WDHD1: variants seen among roughly 807,000 people sequenced by gnomAD.
WDHD1 encodes the protein WD repeat and HMG-box DNA-binding protein 1.
WDHD1 carries 111 observed loss-of-function variants against 135.4 expected under a neutral mutation model. The observed-to-expected ratio is 0.82, with a 90% confidence interval of 0.70 to 0.96. The LOEUF (loss-of-function observed/expected upper bound fraction) is 0.96, where lower values mean the gene tolerates loss of function less well. Among genes scored for constraint, WDHD1 ranks in the 40% least tolerant of loss-of-function variants. WDHD1 has a pLI of 0.00. For synonymous variants in WDHD1, 434 were observed against 439.0 expected (o/e 0.99, Z 0.14); for missense variants, 1,351 against 1,336.3 (o/e 1.01, Z -0.17).
chr14:54,941,786 T>C lies in WDHD1; in HGVS notation c.3190-96A>G, dbSNP rs1379965492. 7 of 1,109,006 alleles carry C rather than the reference T, an allele frequency of 6.3e-6. No individual in the cohort carries two copies. The African/African-American group carries it at 8.0e-5, about 13-fold the overall frequency. The allele number at this position is 1,109,006 out of a possible 1,614,324, so 68.7% of individuals were successfully genotyped here. ...TACTTTTCCAGGTAATATTTTTATA[T>C]ATAAAGCAGAATAATTAGCACTTGA... is the stretch of plus-strand genomic sequence containing the variant. On this transcript the variant is annotated intron_variant, in intron 25 of 25. Transcript: ENST00000360586.
intron 23 of WDHD1, among the ~76,000 whole-genome samples, chr14:54,956,514 T>C (rs1396908137): frequency 6.6e-6 from 1 of 152,082 alleles, no homozygotes; most frequent in Non-Finnish European, 1.5e-5. Flanking sequence ...GTCAGGCCTC[T>C]GTAATCCCAA....
chr14:54,954,248 T>A (rs776350326), intron 24 of WDHD1, among the ~76,000 whole-genome samples: 9 of 152,046 alleles, frequency 5.9e-5, no homozygotes, highest in Non-Finnish European at 1.0e-4. Context: ...ATCGTGCCAA[T>A]GCACTCCAGC....
chr14:54,960,192 G>A (rs1039331501), intron 21 of WDHD1, among the ~76,000 whole-genome samples: 2 of 152,082 alleles, frequency 1.3e-5, no homozygotes, highest in Admixed American at 6.6e-5. Context: ...ATTTGAGATG[G>A]AGTCTCGCTC....
At chr14:55,012,067 C>T (rs948733442) in intron 3 of WDHD1, among the ~76,000 whole-genome samples, 5 of 152,026 alleles carry the variant, frequency 3.3e-5, no homozygotes, top group Admixed American at 6.5e-5. Flanking sequence ...TCAAAGCCCT[C>T]ACTATTACTG....
At position 55,006,095 on chromosome 14, in the gene WDHD1, C is replaced by T. The variant is rs549101631; in HGVS notation, c.600+1185G>A. 1.2e-4 allele frequency among the ~76,000 whole-genome samples: 18 copies of T among 152,204 alleles called. No individual in the cohort carries two copies. The East Asian group carries it at 3.3e-3, about 28-fold the overall frequency. On this transcript the variant is annotated intron_variant, in intron 7 of 25. Transcript: ENST00000360586. ...CCCAGGCTGGTGTCAAACTCCTGAGCTCAAGCGGTCCTCCTGCCTCAGCCT... is the reference window on the plus strand; with the variant it reads ...CCCAGGCTGGTGTCAAACTCCTGAGTTCAAGCGGTCCTCCTGCCTCAGCCT...
At chr14:55,016,003 T>C (rs748824420) in intron 2 of WDHD1, among the ~76,000 whole-genome samples, 1 of 152,238 alleles carries the variant, frequency 6.6e-6, no homozygotes, top group Admixed American at 6.5e-5. Context: ...CCAGCCCCGA[T>C]GGGCTTCTTG....
At chr14:54,958,127 C>T (rs1475243011) in intron 21 of WDHD1, among the ~76,000 whole-genome samples, 1 of 147,866 alleles carries the variant, frequency 6.8e-6, no homozygotes, top group Non-Finnish European at 1.5e-5. Context: ...TCCATCCAGC[C>T]ATTTTTTTTT....
chr14:55,009,818 C>A (rs1405135163), intron 4 of WDHD1, among the ~76,000 whole-genome samples: 1 of 152,020 alleles, frequency 6.6e-6, no homozygotes, highest in African/African-American at 2.4e-5. Context: ...CAGTATATTT[C>A]TTTCCTTTTT....
In WDHD1 at chr14:54,940,067, T is replaced by C. The variant is rs1008821743; in HGVS notation, c.*1423A>G. 6.6e-6 allele frequency: 1 copy of C among 152,182 alleles called. No homozygotes were observed. The highest frequency in any genetic ancestry group is 1.5e-5 in the Non-Finnish European group (1 of 68,032). 9.4% of individuals were successfully genotyped at this position (152,182 alleles called of 1,614,324 possible). On this transcript the variant is annotated 3_prime_UTR_variant, in exon 26 of 26. Coordinates refer to ENST00000360586, the MANE Select transcript of WDHD1 (RefSeq NM_007086.4). ...CAAGATGAAATAACCAACAGCATCA[T>C]CATTATCAGAATAGTAACTAACATT... is the stretch of plus-strand genomic sequence containing the variant.
At chr14:55,002,821 G>A (rs937807774) in intron 7 of WDHD1, among the ~76,000 whole-genome samples, 1 of 152,040 alleles carries the variant, frequency 6.6e-6, no homozygotes, top group South Asian at 2.1e-4. Flanking sequence ...ACTGAACTCT[G>A]GCCTCAAGTG....
chr14:54,942,579 C>G (rs2040857443), intron 25 of WDHD1, among the ~76,000 whole-genome samples: 1 of 152,200 alleles, frequency 6.6e-6, no homozygotes, highest in South Asian at 2.1e-4. Flanking sequence ...CTGGCAACCA[C>G]TACTCTATTC....
At position 55,002,188 on chromosome 14, in the gene WDHD1, A is replaced by AT. The variant is rs1566736836; in HGVS notation, c.601-4dup. The AT allele has an allele frequency of 6.4e-7, 1 of 1,570,530 alleles. No homozygotes were observed. The highest frequency in any genetic ancestry group is 2.3e-5 in the East Asian group (1 of 44,410). On this transcript the variant is annotated splice_region_variant and splice_polypyrimidine_tract_variant and intron_variant, in intron 7 of 25. Coordinates refer to ENST00000360586, the MANE Select transcript of WDHD1 (RefSeq NM_007086.4). ...TTTTCCACAGGAATTGCCAGTAACT[A>AT]TTAGAAAAGATAAACAACGTAAACA...
chr14:54,979,190 C>A (rs887311430), intron 16 of WDHD1, among the ~76,000 whole-genome samples: 3 of 152,040 alleles, frequency 2.0e-5, no homozygotes, highest in Non-Finnish European at 4.4e-5. Context: ...GGTTCTCTGT[C>A]GCCTAGACAG....
At chr14:55,017,478 T>C (rs11846990) in intron 2 of WDHD1, among the ~76,000 whole-genome samples, 6,553 of 151,994 alleles carry the variant, frequency 0.043, 520 homozygotes, top group African/African-American at 0.15. Context: ...AAGTAGCTAG[T>C]ATTACAGGCA....
At chr14:54,973,907 G>C (rs1182840034) in intron 16 of WDHD1, among the ~76,000 whole-genome samples, 2 of 152,124 alleles carry the variant, frequency 1.3e-5, no homozygotes, top group East Asian at 3.9e-4. Context: ...GCACCAATTC[G>C]CATTTTTTTA....
chr14:54,972,560 A>G, intron 16 of WDHD1, among the ~76,000 whole-genome samples: 1 of 78,116 alleles, frequency 1.3e-5, no homozygotes, highest in Non-Finnish European at 2.5e-5. Context: ...TCACAAAAAA[A>G]AAAAAAAAAA....
rs1329603491 is a variant in WDHD1, at chr14:54,981,658, T to G, written c.1945A>C (p.Met649Leu). Residue 649 changes from methionine (M) to leucine (L), a missense_variant, in exon 16 of 26, where the codon ATG (methionine) becomes CTG (leucine). Met to Leu is a conservative substitution (Grantham distance 15). Coordinates refer to ENST00000360586, the MANE Select transcript of WDHD1 (RefSeq NM_007086.4). ...GTATTACCAAGTCCTCTGTTAAGCATTCGAACAATTCCTTCTGAATCCACG... is the reference window on the plus strand; with the variant it reads ...GTATTACCAAGTCCTCTGTTAAGCAGTCGAACAATTCCTTCTGAATCCACG... The part of the protein sequence containing the change: ...CYVDSEGIVR[M>L]LNRGLGNTWT... 1.2e-6 allele frequency: 2 copies of G among 1,611,566 alleles called. No individual in the cohort carries two copies. The highest frequency in any genetic ancestry group is 1.7e-6 in the Non-Finnish European group (2 of 1,178,116).
intron 16 of WDHD1, among the ~76,000 whole-genome samples, chr14:54,979,720 T>C (rs555377952): frequency 6.6e-6 from 1 of 152,308 alleles, no homozygotes; most frequent in African/African-American, 2.4e-5. Context: ...ATTTACATGC[T>C]CAAAAAGTAT....
chr14:54,966,800 C>G (rs895778006), intron 17 of WDHD1, among the ~76,000 whole-genome samples, 194 bp from the exon 18 acceptor site: 1 of 152,150 alleles, frequency 6.6e-6, no homozygotes, highest in Non-Finnish European at 1.5e-5. Flanking sequence ...AAAAAGGCAG[C>G]TGGGGAGGAA....
Sources: allele counts gnomAD v4.1 joint callset (sites outside exome capture counted in the v4.1 genomes callset), GRCh38; gene constraint gnomAD v4.1.1; transcripts MANE v1.5; gene names NCBI Gene and HGNC (gene_info 2026-07-23, HGNC 2026-07-21).